Variants in CERT1 observed in about 807,000 individuals in gnomAD.
CERT1 encodes ceramide transfer protein.
CERT1 carries 31 observed loss-of-function variants against 87.9 expected under a neutral mutation model. The ratio of observed to expected loss-of-function variants is 0.35; its 90% CI spans 0.27 to 0.48. The LOEUF (loss-of-function observed/expected upper bound fraction) is 0.48, where lower values mean the gene tolerates loss of function less well. CERT1 is among the 20% of genes least tolerant of loss of function. CERT1 has a pLI of 0.99. For synonymous variants in CERT1, 289 were observed against 250.9 expected (o/e 1.15, Z -1.44); for missense variants, 487 against 758.0 (o/e 0.64, Z 4.20).
At chr5:75,479,640 T>A (rs1766133464) in intron 2 of CERT1, among the ~76,000 whole-genome samples, 1 of 152,238 alleles carries the variant, frequency 6.6e-6, no homozygotes, top group Non-Finnish European at 1.5e-5. Context: ...TATGTCTGCA[T>A]AGTATTCCAT....
At chr5:75,386,931 C>T (rs746704744) in intron 12 of CERT1, among the ~76,000 whole-genome samples, 9 of 152,158 alleles carry the variant, frequency 5.9e-5, no homozygotes, top group Non-Finnish European at 1.0e-4. Flanking sequence ...GCAATGGCGC[C>T]GTCTCGGCTC....
At chr5:75,501,707 T>C (rs1767378656) in intron 2 of CERT1, among the ~76,000 whole-genome samples, 1 of 152,110 alleles carries the variant, frequency 6.6e-6, no homozygotes, top group Non-Finnish European at 1.5e-5. Context: ...GGGACCGTAA[T>C]ATATGATGAA....
At chr5:75,468,786 C>T (rs1765576758) in intron 2 of CERT1, among the ~76,000 whole-genome samples, 1 of 152,120 alleles carries the variant, frequency 6.6e-6, no homozygotes, top group Admixed American at 6.5e-5. Context: ...CACCAGATGA[C>T]CTGCCCAGGA....
chr5:75,492,018 T>C (rs1405554663), intron 2 of CERT1, among the ~76,000 whole-genome samples: 1 of 152,156 alleles, frequency 6.6e-6, no homozygotes, highest in Non-Finnish European at 1.5e-5. Context: ...ACACATGTCA[T>C]AGTTGCTCAG....
intron 2 of CERT1, among the ~76,000 whole-genome samples, chr5:75,467,066 C>T (rs1159145759): frequency 6.6e-6 from 1 of 151,976 alleles, no homozygotes; most frequent in African/African-American, 2.4e-5. Context: ...GGAAATAACC[C>T]AAATGTCCTT....
At chr5:75,465,195 G>C (rs1765407926) in intron 2 of CERT1, among the ~76,000 whole-genome samples, 1 of 152,170 alleles carries the variant, frequency 6.6e-6, no homozygotes, top group African/African-American at 2.4e-5. Context: ...GTTAAAGCAA[G>C]TAACTTTCCC....
At chr5:75,420,010 T>A (rs989353548) in intron 5 of CERT1, among the ~76,000 whole-genome samples, 1 of 150,752 alleles carries the variant, frequency 6.6e-6, no homozygotes, top group African/African-American at 2.4e-5. Flanking sequence ...GGAGTCTCAC[T>A]CTGTCACCCA....
At chr5:75,392,930 A>G (rs1294738457) in intron 11 of CERT1, among the ~76,000 whole-genome samples, 1 of 127,200 alleles carries the variant, frequency 7.9e-6, no homozygotes, top group Non-Finnish European at 1.6e-5. Context: ...AGATCACGCC[A>G]TTGCACTCCA....
intron 3 of CERT1, among the ~76,000 whole-genome samples, chr5:75,455,652 C>T (rs957196325): frequency 1.3e-5 from 2 of 151,778 alleles, no homozygotes; most frequent in Non-Finnish European, 2.9e-5. Context: ...AATCCACGGG[C>T]GAAAAGAAAA....
At chr5:75,483,749 A>T (rs1561295115) in intron 2 of CERT1, among the ~76,000 whole-genome samples, 1 of 152,166 alleles carries the variant, frequency 6.6e-6, no homozygotes, top group East Asian at 1.9e-4. Flanking sequence ...TCCTTCAAAC[A>T]TGATGGAAAA....
intron 5 of CERT1, among the ~76,000 whole-genome samples, chr5:75,424,304 G>A (rs1181549316): frequency 2.0e-5 from 3 of 152,092 alleles, no homozygotes; most frequent in East Asian, 1.9e-4. Context: ...AGAGGGGGCC[G>A]AGCGCGGTGG....
chr5:75,469,272 GAAGT>G (rs943037889), intron 2 of CERT1, among the ~76,000 whole-genome samples: 6 of 152,156 alleles, frequency 3.9e-5, no homozygotes, highest in East Asian at 3.9e-4. Flanking sequence ...AGGAAAAAAA[GAAGT>G]AAGATTGAAA....
intron 2 of CERT1, among the ~76,000 whole-genome samples, chr5:75,499,268 C>T (rs181157775): frequency 1.3e-5 from 2 of 152,286 alleles, no homozygotes; most frequent in Admixed American, 1.3e-4. Context: ...AAAGGCATGA[C>T]TGTGTTTTGA....
intron 3 of CERT1, among the ~76,000 whole-genome samples, chr5:75,426,995 T>C (rs1763644502): frequency 6.6e-6 from 1 of 152,186 alleles, no homozygotes; most frequent in Middle Eastern, 3.2e-3. Context: ...TCACAATAGT[T>C]TGTGTTTTGT....
chr5:75,478,079 G>T (rs773713075), intron 2 of CERT1, among the ~76,000 whole-genome samples: 1 of 152,158 alleles, frequency 6.6e-6, no homozygotes, highest in East Asian at 1.9e-4. Context: ...TTGGGAGGCT[G>T]AGGCGGGCAG....
rs373928559 is a variant in CERT1 at position 75,489,561 on chromosome 5, C to A, written c.231+16421G>T. The stretch of plus-strand genomic sequence containing the variant: ...TAAACAGATTTATAAGAAAAAAAAT[C>A]AAAAAATGGACGATGGATATGAACA... On this transcript the variant is annotated intron_variant, in intron 2 of 16. Transcript: ENST00000643780. Among the ~76,000 whole-genome samples, 120 of 151,392 alleles carry A rather than the reference C, an allele frequency of 7.9e-4. 1 individual carries two copies. Among genetic ancestry groups the A allele is most frequent in the African/African-American group, 2.7e-3 (110 of 41,382 alleles).
chr5:75,430,065 A>T (rs149718488), intron 3 of CERT1, among the ~76,000 whole-genome samples: 1 of 152,154 alleles, frequency 6.6e-6, no homozygotes, highest in Non-Finnish European at 1.5e-5. Flanking sequence ...GAGGAAAGGA[A>T]TCTGTAACCA....
intron 3 of CERT1, among the ~76,000 whole-genome samples, chr5:75,437,492 A>C (rs1042200411): frequency 1.3e-5 from 2 of 152,162 alleles, no homozygotes; most frequent in South Asian, 4.1e-4. Flanking sequence ...CAGGCCAGGC[A>C]TGATGGCTCA....
rs1440345879 is a variant in CERT1, at chr5:75,377,980, T to A, written c.*1366A>T. On this transcript the variant is annotated 3_prime_UTR_variant, in exon 17 of 17. Transcript: ENST00000643780. ...TTTTTGTCAAGATGGAATCTTGCTA[T>A]GTTATCCAGGCTAGACTTGAACTCC... The A allele has an allele frequency of 1.3e-5, 2 of 152,244 alleles. No individual in the cohort carries two copies. Among genetic ancestry groups the A allele is most frequent in the African/African-American group, 4.8e-5 (2 of 41,450 alleles). The allele number at this position is 152,244 out of a possible 1,614,324, so 9.4% of individuals were successfully genotyped here.
Sources: gnomAD v4.1 joint callset for allele counts (sites outside exome capture counted in the v4.1 genomes callset) on GRCh38, gnomAD v4.1.1 for gene constraint, MANE v1.5 for transcripts, NCBI Gene and HGNC (gene_info 2026-07-23, HGNC 2026-07-21) for gene names.